Variants in TTC21B observed in about 807,000 individuals in gnomAD.
The protein encoded by TTC21B is tetratricopeptide repeat domain 21B.
Under a neutral mutation model 175.1 loss-of-function variants are expected in TTC21B, and 127 were observed. That is an observed-to-expected ratio of 0.73 (90% CI 0.63 to 0.84). The LOEUF is 0.84. TTC21B is among the 40% of genes least tolerant of loss of function. TTC21B has a pLI of 0.00. For missense variants in TTC21B, 1,561 were observed against 1,558.3 expected (o/e 1.00, Z -0.03); for synonymous variants, 524 against 524.5 (o/e 1.00, Z 0.01).
chr2:165,932,908 G>T (rs1163886043), intron 7 of TTC21B, 65 bp downstream of exon 7: 7 of 1,288,480 alleles, frequency 5.4e-6, no homozygotes, highest in Non-Finnish European at 7.8e-6. Flanking sequence ...TGCACACATG[G>T]GTGTGTATGT....
Position 165,930,732 on chromosome 2 carries a change from G to GTGTGT in TTC21B, c.895-369_895-368insACACA. Among the ~76,000 whole-genome samples the GTGTGT allele has an allele frequency of 2.5e-3, 276 of 108,458 alleles. 3 individuals are homozygous for GTGTGT. Among genetic ancestry groups the GTGTGT allele is most frequent in the Non-Finnish European group, 3.7e-3 (174 of 46,722 alleles). The allele number at this position is 108,458 out of a possible 152,430, so 71.2% of individuals were successfully genotyped here. ...TATTTTATGGTTACGTGGGTATGGG[G>GTGTGT]GTGTGTGTGTGTGTGTGTGTGTGTG... On this transcript the variant is annotated intron_variant, in intron 8 of 28. Transcript: ENST00000243344.
chr2:165,930,676 G>A (rs1463704778), intron 8 of TTC21B, among the ~76,000 whole-genome samples: 1 of 151,470 alleles, frequency 6.6e-6, no homozygotes, highest in Non-Finnish European at 1.5e-5. Flanking sequence ...GCTGTCTCAT[G>A]ACTGTTTTAC....
chr2:165,894,583 G>T (rs1216122358), intron 22 of TTC21B, among the ~76,000 whole-genome samples: 1 of 152,144 alleles, frequency 6.6e-6, no homozygotes, highest in Non-Finnish European at 1.5e-5. Context: ...AAAATTTTGT[G>T]GTTGTTTTTG....
At chr2:165,910,438 A>C (rs953132684) in intron 18 of TTC21B, among the ~76,000 whole-genome samples, 3 of 152,118 alleles carry the variant, frequency 2.0e-5, no homozygotes, top group Non-Finnish European at 1.5e-5. Context: ...AAATTTTTAC[A>C]AACTTGAAAG....
chr2:165,897,215 A>G (rs889850657), intron 22 of TTC21B, among the ~76,000 whole-genome samples: 1 of 152,208 alleles, frequency 6.6e-6, no homozygotes, highest in African/African-American at 2.4e-5. Flanking sequence ...ATTTTCAATG[A>G]AAGTATTTCT....
At chr2:165,892,614 G>C (rs59019226) in intron 22 of TTC21B, among the ~76,000 whole-genome samples, 1 of 152,168 alleles carries the variant, frequency 6.6e-6, no homozygotes, top group Non-Finnish European at 1.5e-5. Flanking sequence ...AAATATGCCA[G>C]ACACAAAAGG....
At chr2:165,938,816 G>A (rs1159177691) in intron 6 of TTC21B, among the ~76,000 whole-genome samples, 2 of 151,946 alleles carry the variant, frequency 1.3e-5, no homozygotes, top group African/African-American at 2.4e-5. Context: ...AGACAGCCTC[G>A]AGACTTTAAA....
At chr2:165,901,657 T>A in intron 20 of TTC21B, 65 bp downstream of exon 20, 1 of 1,496,278 alleles carries the variant, frequency 6.7e-7, no homozygotes, top group Admixed American at 1.7e-5. Context: ...GTAAAAATTT[T>A]ACATCTGAGG....
intron 17 of TTC21B, among the ~76,000 whole-genome samples, chr2:165,911,927 A>C (rs1685963198): frequency 6.6e-6 from 1 of 152,160 alleles, no homozygotes; most frequent in African/African-American, 2.4e-5. Context: ...GGCCTCCCAA[A>C]GTGTTAGGAT....
In TTC21B at chr2:165,901,806, T is replaced by C. The variant is rs765171362; in HGVS notation, c.2673A>G (p.Ala891=). The C allele has an allele frequency of 1.9e-6, 3 of 1,614,160 alleles. No individual in the cohort carries two copies. Among genetic ancestry groups the C allele is most frequent in the African/African-American group, 1.3e-5 (1 of 75,050 alleles). Residue 891 remains alanine, a synonymous_variant, in exon 20 of 29, where the codon GCA becomes GCG. Coordinates refer to ENST00000243344, the MANE Select transcript of TTC21B (RefSeq NM_024753.5). ...AGTCTCGCTGAGCAACAGAATGTTT[T>C]GCAATCTCTGCACAAATTTCAGCTG... ...HLAAEICAEI[A]KHSVAQRDYE...
intron 7 of TTC21B, 76 bp from the exon 8 acceptor site, chr2:165,931,932 C>T (rs1056218939): frequency 6.0e-5 from 56 of 930,828 alleles, no homozygotes; most frequent in South Asian, 3.0e-4. Context: ...TACACACTAA[C>T]AAAGCATTAC....
intron 12 of TTC21B, among the ~76,000 whole-genome samples, chr2:165,920,814 A>ATATTTTTAAATATTTTAAATATTT (rs1559060477): frequency 6.6e-6 from 1 of 151,908 alleles, no homozygotes; most frequent in South Asian, 2.1e-4. Context: ...AATATTTAAA[A>ATATTTTTAAATATTTTAAATATTT]ATGAGAAGTG....
chr2:165,942,864 G>T (rs543142803), intron 5 of TTC21B, among the ~76,000 whole-genome samples: 1 of 152,266 alleles, frequency 6.6e-6, no homozygotes, highest in African/African-American at 2.4e-5. Context: ...CCATCAGTAG[G>T]ATATAAGCTC....
chr2:165,883,717 C>T (rs1406029059), intron 26 of TTC21B, 77 bp downstream of exon 26: 14 of 1,149,536 alleles, frequency 1.2e-5, no homozygotes, highest in Non-Finnish European at 1.6e-5. Context: ...TGGAAATGGA[C>T]TAACACTCAA....
chr2:165,897,330 G>T (rs966023252), intron 22 of TTC21B, among the ~76,000 whole-genome samples: 1 of 152,168 alleles, frequency 6.6e-6, no homozygotes, highest in Non-Finnish European at 1.5e-5. Flanking sequence ...CACTAACAGA[G>T]GTGGTAAAAA....
intron 5 of TTC21B, among the ~76,000 whole-genome samples, chr2:165,942,475 G>A (rs1300478643): frequency 6.6e-6 from 1 of 152,124 alleles, no homozygotes; most frequent in Non-Finnish European, 1.5e-5. Context: ...TTGGCTGCCT[G>A]TCTCTCTAAT....
At position 165,883,797 on chromosome 2, in the gene TTC21B, A is replaced by G. The variant is rs571928787; in HGVS notation, c.3681T>C (p.Asn1227=). 1.9e-6 allele frequency: 3 copies of G among 1,612,878 alleles called. No homozygotes were observed. The highest frequency in any genetic ancestry group is 2.2e-5 in the South Asian group (2 of 91,070). The change falls in exon 26 of 29, where the codon AAT becomes AAC. Residue 1227 remains asparagine (N), a synonymous_variant. Transcript: ENST00000243344. ...TTTTTACTCTTCAATCACCTACTCTATTATGACGCAGGCACCGTTTTAACA... is the reference window on the plus strand; with the variant it reads ...TTTTTACTCTTCAATCACCTACTCTGTTATGACGCAGGCACCGTTTTAACA... ...EDLLKRCLRH[N]RSCCKAYEYM... is the part of the protein sequence containing the mutation.
At chr2:165,935,627 G>A (rs536603685) in intron 6 of TTC21B, among the ~76,000 whole-genome samples, 3 of 152,256 alleles carry the variant, frequency 2.0e-5, no homozygotes, top group African/African-American at 7.2e-5. Context: ...TGTAGGATAT[G>A]AGGTTAATAT....
rs529997599 is a variant in TTC21B at position 165,917,302 on chromosome 2, C to G, written c.1854G>C (p.Ser618=). 6.2e-7 allele frequency: 1 copy of G among 1,614,164 alleles called. No individual in the cohort carries two copies. Among genetic ancestry groups the G allele is most frequent in the Non-Finnish European group, 8.5e-7 (1 of 1,180,028 alleles). ...KTEVDTSHRL[S]IFLELIDVHR... ...GAACGTCTATCAATTCAAGAAAGAT[C>G]GATAAACGATGGCTTGTATCAACTT... The change falls in exon 14 of 29, where the codon TCG becomes TCC. Residue 618 remains serine (S), a synonymous_variant. Coordinates refer to ENST00000243344, the MANE Select transcript of TTC21B (RefSeq NM_024753.5).
Sources: allele counts gnomAD v4.1 joint callset (sites outside exome capture counted in the v4.1 genomes callset), GRCh38; gene constraint gnomAD v4.1.1; transcripts MANE v1.5; gene names NCBI Gene and HGNC (gene_info 2026-07-23, HGNC 2026-07-21).